ATP9B: variants seen among roughly 807,000 people sequenced by gnomAD.
The protein encoded by ATP9B is probable phospholipid-transporting ATPase IIB.
In ATP9B, 110 loss-of-function variants were observed where a neutral mutation model predicts 146.1. That is an observed-to-expected ratio of 0.75 (90% CI 0.65 to 0.88). The LOEUF (loss-of-function observed/expected upper bound fraction) is 0.88, where lower values mean the gene tolerates loss of function less well. ATP9B is among the 40% of genes least tolerant of loss of function. The probability of loss-of-function intolerance (pLI) is 0.00; values close to 1 mark genes in which losing one functional copy is unlikely to be tolerated. For synonymous variants in ATP9B, 604 were observed against 569.7 expected, an observed-to-expected ratio of 1.06 and a Z score of -0.86; for missense variants, 1,499 against 1,496.4, an observed-to-expected ratio of 1.00 and a Z score of -0.03.
intron 13 of ATP9B, among the ~76,000 whole-genome samples, chr18:79,288,009 C>T (rs2096462501): frequency 6.6e-6 from 1 of 151,798 alleles, no homozygotes; most frequent in South Asian, 2.1e-4. Flanking sequence ...TGTTCTTTTA[C>T]ATTTGCTGAG....
chr18:79,119,522 AG>A (rs1248591529), intron 4 of ATP9B, among the ~76,000 whole-genome samples: 1 of 152,198 alleles, frequency 6.6e-6, no homozygotes, highest in African/African-American at 2.4e-5. Flanking sequence ...TACCTCAATA[AG>A]CAACTACTTC....
chr18:79,366,015 T>C (rs1013793217), intron 26 of ATP9B, among the ~76,000 whole-genome samples: 10 of 152,196 alleles, frequency 6.6e-5, no homozygotes, highest in Admixed American at 5.2e-4. Context: ...TGCTTAGCAG[T>C]GAGGGGTTAC....
chr18:79,307,052 C>T lies in ATP9B; in HGVS notation c.1591C>T (p.Pro531Ser). ...ACTAAGAAAAGCCCAATCTTCAGCTCCCAAAGTTAGGAAAAGTGTCAGTAG... is the reference window on the plus strand; with the variant it reads ...ACTAAGAAAAGCCCAATCTTCAGCTTCCAAAGTTAGGAAAAGTGTCAGTAG... The part of the protein sequence containing the change: ...TPLRKAQSSA[P>S]KVRKSVSSRI... The change falls in exon 15 of 30, where the codon CCC becomes TCC. Residue 531 changes from proline (P) to serine (S), a missense_variant. Pro to Ser is a moderately conservative substitution (Grantham distance 74). Coordinates refer to ENST00000426216, the MANE Select transcript of ATP9B (RefSeq NM_198531.5). 1 of 1,614,208 alleles carries T rather than the reference C, an allele frequency of 6.2e-7. No homozygotes were observed. Among genetic ancestry groups the T allele is most frequent in the Non-Finnish European group, 8.5e-7 (1 of 1,180,042 alleles).
chr18:79,277,613 T>G (rs911417767), intron 13 of ATP9B, among the ~76,000 whole-genome samples: 1 of 152,190 alleles, frequency 6.6e-6, no homozygotes, highest in African/African-American at 2.4e-5. Context: ...TATTTAATAC[T>G]CAAATTCTCC....
intron 7 of ATP9B, among the ~76,000 whole-genome samples, chr18:79,172,589 C>G (rs951467880): frequency 6.7e-6 from 1 of 150,350 alleles, no homozygotes; most frequent in Non-Finnish European, 1.5e-5. Context: ...GCCGACCTTG[C>G]GATCCGCCTT....
chr18:79,376,528 T>A, intron 29 of ATP9B: 1 of 481,144 alleles, frequency 2.1e-6, no homozygotes, highest in Non-Finnish European at 2.7e-6. Flanking sequence ...TAGCTGGGAT[T>A]ACAGGTGCCT....
intron 6 of ATP9B, among the ~76,000 whole-genome samples, chr18:79,149,910 A>G (rs1599924820): frequency 2.0e-5 from 3 of 152,040 alleles, no homozygotes; most frequent in South Asian, 2.1e-4. Context: ...GTGAATCCCT[A>G]TCTCTACTGA....
Position 79,203,607 on chromosome 18 carries a change from A to C in ATP9B, c.955-3330A>C, listed in dbSNP as rs1447185831. On this transcript the variant is annotated intron_variant, in intron 9 of 29. Transcript: ENST00000426216. Reference sequence around the variant, plus strand: ...GCTAGGTGCTAGGAAGGTAATACCCATAAAATATGGGATTAGAAACATGTC... The same window carrying C: ...GCTAGGTGCTAGGAAGGTAATACCCCTAAAATATGGGATTAGAAACATGTC... 6.5e-3 allele frequency among the ~76,000 whole-genome samples: 997 copies of C among 152,368 alleles called. 4 individuals are homozygous for C. Among genetic ancestry groups the C allele is most frequent in the African/African-American group, 0.022 (932 of 41,578 alleles).
intron 4 of ATP9B, among the ~76,000 whole-genome samples, chr18:79,122,615 T>G (rs948357078): frequency 2.0e-5 from 3 of 152,234 alleles, no homozygotes; most frequent in Non-Finnish European, 4.4e-5. Context: ...TCCTTTAAGA[T>G]AAGTTTCTAG....
Position 79,371,102 on chromosome 18 carries a change from G to A in ATP9B, c.3013-1723G>A, listed in dbSNP as rs571990154. The stretch of plus-strand genomic sequence containing the variant: ...AAATCAGTGGTGCTTGGCTGGGTGC[G>A]GTGGCTCACACCTGTAATCCCAGCA... On this transcript the variant is annotated intron_variant, in intron 26 of 29. Transcript: ENST00000426216. Among the ~76,000 whole-genome samples, 12 of 152,178 alleles carry A rather than the reference G, an allele frequency of 7.9e-5. No homozygotes were observed. The East Asian group carries it at 1.5e-3, about 20-fold the overall frequency.
At chr18:79,258,816 CAGTT>C in intron 12 of ATP9B, among the ~76,000 whole-genome samples, 1 of 152,204 alleles carries the variant, frequency 6.6e-6, no homozygotes, top group South Asian at 2.1e-4. Context: ...ACTCAGGATG[CAGTT>C]ACACAGGGTG....
At chr18:79,132,958 T>A (rs940351819) in intron 5 of ATP9B, among the ~76,000 whole-genome samples, 4 of 152,246 alleles carry the variant, frequency 2.6e-5, no homozygotes, top group African/African-American at 4.8e-5. Flanking sequence ...TTTTGAGTTA[T>A]CTTGTGTTTT....
intron 11 of ATP9B, among the ~76,000 whole-genome samples, chr18:79,233,377 A>G (rs1055505609): frequency 6.6e-6 from 1 of 152,230 alleles, no homozygotes; most frequent in Non-Finnish European, 1.5e-5. Flanking sequence ...TAAGTCTGAG[A>G]TCTTTCCAAG....
intron 9 of ATP9B, among the ~76,000 whole-genome samples, chr18:79,206,606 G>A (rs2095535557): frequency 6.8e-6 from 1 of 147,948 alleles, no homozygotes; most frequent in Admixed American, 6.9e-5. Context: ...ACCAGCCTGG[G>A]CAGCATAATA....
intron 1 of ATP9B, among the ~76,000 whole-genome samples, chr18:79,070,099 T>C (rs567089748): frequency 3.6e-4 from 55 of 152,352 alleles, no homozygotes; most frequent in Non-Finnish European, 6.8e-4. Context: ...TTAACTTGTT[T>C]AGTGGGGTCA....
At chr18:79,208,169 C>T (rs1001375687) in intron 10 of ATP9B, among the ~76,000 whole-genome samples, 4 of 152,128 alleles carry the variant, frequency 2.6e-5, no homozygotes, top group Non-Finnish European at 4.4e-5. Context: ...GGCGGGAACC[C>T]GGGAGCCGGA....
At position 79,230,243 on chromosome 18, in the gene ATP9B, G is replaced by T. The variant is rs753619629; in HGVS notation, c.1107+16205G>T. Among the ~76,000 whole-genome samples, 10 of 152,282 alleles carry T rather than the reference G, an allele frequency of 6.6e-5. No homozygotes were observed. In the Middle Eastern group the frequency reaches 0.014, roughly 207 times the overall value. On this transcript the variant is annotated intron_variant, in intron 11 of 29. Transcript: ENST00000426216. ...CAATCGGACAAGAGAAAGAAATAAA[G>T]CACATCCGGATTGGTAAAGAGGAAG... is the stretch of plus-strand genomic sequence containing the variant.
At chr18:79,252,912 TGGG>T (rs1488346352) in intron 11 of ATP9B, among the ~76,000 whole-genome samples, 1 of 151,810 alleles carries the variant, frequency 6.6e-6, no homozygotes, top group Non-Finnish European at 1.5e-5. Context: ...AGAATCCTCA[TGGG>T]GGAGGTGCAG....
intron 11 of ATP9B, among the ~76,000 whole-genome samples, chr18:79,246,293 GC>G (rs1457697620): frequency 5.5e-5 from 6 of 108,374 alleles, no homozygotes; most frequent in East Asian, 5.6e-4. Flanking sequence ...TACTGTCTGT[GC>G]GGAGGGCACC....
Sources: gnomAD v4.1 joint callset for allele counts (sites outside exome capture counted in the v4.1 genomes callset) on GRCh38, gnomAD v4.1.1 for gene constraint, MANE v1.5 for transcripts, NCBI Gene and HGNC (gene_info 2026-07-23, HGNC 2026-07-21) for gene names.